Variants in OR10C1 observed in about 807,000 individuals in gnomAD.
OR10C1 encodes the protein olfactory receptor 10C1.
For synonymous variants in OR10C1, 183 were observed against 174.4 expected, an observed-to-expected ratio of 1.05 and a Z score of -0.39; for missense variants, 388 against 392.1, an observed-to-expected ratio of 0.99 and a Z score of 0.09.
Position 29,440,907 on chromosome 6 carries a change from G to C in OR10C1, c.892G>C (p.Ala298Pro), listed in dbSNP as rs759033840. 2 of 1,613,412 alleles carry C rather than the reference G, an allele frequency of 1.2e-6. No individual in the cohort carries two copies. Among genetic ancestry groups the C allele is most frequent in the Admixed American group, 1.7e-5 (1 of 60,004 alleles). ...IYSLRNTEVK[A>P]ALKRTIQKTV... ...CAGCCTGCGGAACACAGAGGTCAAAGCTGCCCTAAAGAGAACCATCCAGAA... is the reference window on the plus strand; with the variant it reads ...CAGCCTGCGGAACACAGAGGTCAAACCTGCCCTAAAGAGAACCATCCAGAA... The change falls in exon 1 of 1, where the codon GCT becomes CCT. Residue 298 changes from alanine (A) to proline (P), a missense_variant. Ala to Pro is a conservative substitution (Grantham distance 27). Transcript: ENST00000444197.
rs754718036 is a variant in OR10C1, at chr6:29,440,537, G to T, written c.522G>T (p.Pro174=). ...SLPFCGPNTI[P]QFFCEIQPVL... is the part of the protein sequence containing the mutation. ...CCTTCTGCGGCCCCAATACCATCCC[G>T]CAGTTCTTCTGTGAGATCCAGCCTG... The change falls in exon 1 of 1, where the codon CCG becomes CCT. Residue 174 remains proline, a synonymous_variant. Coordinates refer to ENST00000444197, the MANE Select transcript of OR10C1 (RefSeq NM_013941.4). The T allele has an allele frequency of 1.2e-6, 2 of 1,613,672 alleles. No homozygotes were observed. The highest frequency in any genetic ancestry group is 1.1e-5 in the South Asian group (1 of 91,086).
Position 29,440,489 on chromosome 6 carries a change from C to T in OR10C1, c.474C>T (p.His158=). Reference sequence around the variant, plus strand: ...GTGGGGTGCTGGTGGGGCTGGGCCACACCCCTTTCATCTTCTCTTTGCCCT... The same window carrying T: ...GTGGGGTGCTGGTGGGGCTGGGCCATACCCCTTTCATCTTCTCTTTGCCCT... The part of the protein sequence containing the change: ...WACGVLVGLG[H]TPFIFSLPFC... The change falls in exon 1 of 1, where the codon CAC becomes CAT. Residue 158 remains histidine (H), a synonymous_variant. Transcript: ENST00000444197. The T allele has an allele frequency of 1.9e-6, 3 of 1,613,812 alleles. No individual in the cohort carries two copies. Among genetic ancestry groups the T allele is most frequent in the Non-Finnish European group, 2.5e-6 (3 of 1,179,928 alleles).
In OR10C1 at chr6:29,440,176, T is replaced by G. The variant is rs1561793126; in HGVS notation, c.161T>G (p.Leu54Arg). The G allele has an allele frequency of 6.2e-7, 1 of 1,613,748 alleles. No homozygotes were observed. Among genetic ancestry groups the G allele is most frequent in the East Asian group, 2.2e-5 (1 of 44,876 alleles). The part of the protein sequence containing the change: ...IVVLVSTDAA[L>R]QSPMYFFLRT... Reference sequence around the variant, plus strand: ...GTGCTGGTCTCCACTGATGCTGCCCTCCAGTCCCCTATGTACTTCTTCCTG... The same window carrying G: ...GTGCTGGTCTCCACTGATGCTGCCCGCCAGTCCCCTATGTACTTCTTCCTG... Residue 54 changes from leucine (L) to arginine (R), a missense_variant, in exon 1 of 1, where the codon CTC (leucine) becomes CGC (arginine). Leu to Arg is a moderately radical substitution (Grantham distance 102). Transcript: ENST00000444197.
At position 29,439,561 on chromosome 6, in the gene OR10C1, A is replaced by G. The variant is rs903210379; in HGVS notation, c.-455A>G. ...AAAGAAAACTAGAGGGCAAGAGGTG[A>G]TAAGAGAGGTCACCTCTTATCAGAC... is the stretch of plus-strand genomic sequence containing the variant. On this transcript the variant is annotated 5_prime_UTR_variant, in exon 1 of 1. Coordinates refer to ENST00000444197, the MANE Select transcript of OR10C1 (RefSeq NM_013941.4). 6.2e-6 allele frequency: 1 copy of G among 160,344 alleles called. No individual in the cohort carries two copies. Among genetic ancestry groups the G allele is most frequent in the Non-Finnish European group, 1.4e-5 (1 of 73,858 alleles). 9.9% of individuals were successfully genotyped at this position (160,344 alleles called of 1,614,324 possible).
chr6:29,440,875 T>A lies in OR10C1; in HGVS notation c.860T>A (p.Ile287Asn). ...YAVVTPILNPIIYSLRNTEVK... is the reference protein window; with the variant it reads ...YAVVTPILNPNIYSLRNTEVK... ...GTGGTCACCCCCATCCTCAACCCCA[T>A]CATCTACAGCCTGCGGAACACAGAG... is the stretch of plus-strand genomic sequence containing the variant. Residue 287 changes from isoleucine (I) to asparagine (N), a missense_variant, in exon 1 of 1, where the codon ATC becomes AAC. Ile to Asn is a moderately radical substitution (Grantham distance 149). Transcript: ENST00000444197. 2 of 1,613,790 alleles carry A rather than the reference T, an allele frequency of 1.2e-6. No individual in the cohort carries two copies. Among genetic ancestry groups the A allele is most frequent in the South Asian group, 1.1e-5 (1 of 91,078 alleles).
Position 29,440,344 on chromosome 6 carries a change from A to C in OR10C1, c.329A>C (p.Glu110Ala). ...TTCTTCCTCTTCTTTGGCGCCACGG[A>C]GTGCTGCCTCCTGGCAGCCATGGCC... ...MFFFLFFGAT[E>A]CCLLAAMAYD... is the part of the protein sequence containing the mutation. The change falls in exon 1 of 1, where the codon GAG (glutamate) becomes GCG (alanine). Residue 110 changes from glutamate to alanine, a missense_variant. Transcript: ENST00000444197. 6.2e-7 allele frequency: 1 copy of C among 1,614,032 alleles called. No individual in the cohort carries two copies. Among genetic ancestry groups the C allele is most frequent in the South Asian group, 1.1e-5 (1 of 91,082 alleles).
At position 29,440,841 on chromosome 6, in the gene OR10C1, T is replaced by A. The variant is rs146670709; in HGVS notation, c.826T>A (p.Phe276Ile). The A allele has an allele frequency of 9.3e-5, 150 of 1,613,748 alleles. 1 individual carries two copies. In the Middle Eastern group the frequency reaches 1.2e-3, roughly 12 times the overall value. Residue 276 changes from phenylalanine (F) to isoleucine (I), a missense_variant, in exon 1 of 1, where the codon TTC becomes ATC. Physicochemically the swap from Phe to Ile is conservative, Grantham distance 21 (BLOSUM62 0). Transcript: ENST00000444197. ...DPATDPLVSL[F>I]YAVVTPILNP... is the part of the protein sequence containing the mutation. The stretch of plus-strand genomic sequence containing the variant: ...GGCCACTGACCCTCTGGTGTCCCTC[T>A]TCTATGCTGTGGTCACCCCCATCCT...
rs771708536 is a variant in OR10C1 at position 29,440,262 on chromosome 6, C to G, written c.247C>G (p.His83Asp). 6.2e-7 allele frequency: 1 copy of G among 1,614,042 alleles called. No individual in the cohort carries two copies. The highest frequency in any genetic ancestry group is 8.5e-7 in the Non-Finnish European group (1 of 1,180,030). The change falls in exon 1 of 1, where the codon CAC becomes GAC. Residue 83 changes from histidine to aspartate, a missense_variant. His to Asp is a moderately conservative substitution (Grantham distance 81). Transcript: ENST00000444197. ...TSVTVPLLLH[H>D]LLTGRRHISR... ...TGTCACGGTCCCCCTGCTACTTCAC[C>G]ACCTCCTTACTGGCCGGCGCCACAT... is the stretch of plus-strand genomic sequence containing the variant.
chr6:29,440,654 C>A lies in OR10C1; in HGVS notation c.639C>A (p.Ile213=), dbSNP rs1481693083. 1 of 1,614,182 alleles carries A rather than the reference C, an allele frequency of 6.2e-7. No homozygotes were observed. The highest frequency in any genetic ancestry group is 1.1e-5 in the South Asian group (1 of 91,086). The part of the protein sequence containing the change: ...ALLILCPFGL[I]LGSYGRILVT... ...TCATCCTCTGCCCCTTTGGCCTCATCCTGGGCTCCTACGGGCGTATCCTCG... is the reference window on the plus strand; with the variant it reads ...TCATCCTCTGCCCCTTTGGCCTCATACTGGGCTCCTACGGGCGTATCCTCG... The change falls in exon 1 of 1, where the codon ATC becomes ATA. Residue 213 remains isoleucine, a synonymous_variant. Transcript: ENST00000444197.
chr6:29,440,751 A>G lies in OR10C1; in HGVS notation c.736A>G (p.Met246Val), dbSNP rs2074464. The G allele has an allele frequency of 0.56, 903,552 of 1,613,232 alleles. 254,968 individuals are homozygous for G. The highest frequency in any genetic ancestry group is 0.63 in the South Asian group (57,513 of 91,068). ...AFSTCSSHLI[M>V]VSLFYGTALF... ...CTCCACCTGCTCCTCCCACCTGATC[A>G]TGGTCTCCCTCTTCTATGGCACCGC... The change falls in exon 1 of 1, where the codon ATG becomes GTG. Residue 246 changes from methionine (M) to valine (V), a missense_variant. Transcript: ENST00000444197.
Position 29,440,003 on chromosome 6 carries a change from GT to G in OR10C1, c.-12del. On this transcript the variant is annotated 5_prime_UTR_variant, in exon 1 of 1. Coordinates refer to ENST00000444197, the MANE Select transcript of OR10C1 (RefSeq NM_013941.4). Reference sequence around the variant, plus strand: ...CATTTCTTTTGTCTTCCAGTCAAAGGTATGCAGGCAGGATGAGTGCAAACAC... The same window carrying G: ...CATTTCTTTTGTCTTCCAGTCAAAGGATGCAGGCAGGATGAGTGCAAACAC... 1 of 1,604,780 alleles carries G rather than the reference GT, an allele frequency of 6.2e-7. No homozygotes were observed. Among genetic ancestry groups the G allele is most frequent in the South Asian group, 1.1e-5 (1 of 90,304 alleles).
At position 29,440,936 on chromosome 6, in the gene OR10C1, G is replaced by T. The variant is rs555486632; in HGVS notation, c.921G>T (p.Thr307=). The T allele has an allele frequency of 3.1e-6, 5 of 1,609,548 alleles. No homozygotes were observed. The highest frequency in any genetic ancestry group is 4.2e-6 in the Non-Finnish European group (5 of 1,178,634). ...CCCTAAAGAGAACCATCCAGAAAAC[G>T]GTGCCTATGGAGATTTGAAAAGGGG... ...KAALKRTIQK[T]VPMEI Residue 307 remains threonine (T), a synonymous_variant, in exon 1 of 1, where the codon ACG becomes ACT. Transcript: ENST00000444197.
chr6:29,440,128 T>TG lies in OR10C1; in HGVS notation c.115dup (p.Ala39GlyfsTer13), dbSNP rs1368161514. ...TTTCTCACTATCTACCTGCTGACCG[T>TG]GGCAGGCAATTTCCTCATTGTGGTG... is the stretch of plus-strand genomic sequence containing the variant. On this transcript the variant is annotated frameshift_variant, in exon 1 of 1. Coordinates refer to ENST00000444197, the MANE Select transcript of OR10C1 (RefSeq NM_013941.4). LOFTEE classifies it low-confidence loss of function (END_TRUNC). The TG allele has an allele frequency of 6.2e-7, 1 of 1,613,490 alleles. No homozygotes were observed. Among genetic ancestry groups the TG allele is most frequent in the Non-Finnish European group, 8.5e-7 (1 of 1,180,026 alleles).
rs1471275057 is a variant in OR10C1, at chr6:29,440,974, TC to T, written c.*21del. The T allele has an allele frequency of 6.7e-7, 1 of 1,484,292 alleles. No homozygotes were observed. 91.9% of individuals were successfully genotyped at this position (1,484,292 alleles called of 1,614,324 possible). ...ATTTGAAAAGGGGGCGATAGTGACTTCTGTGCAGTGCTCTGAGTCAGTCCCA... is the reference window on the plus strand; with the variant it reads ...ATTTGAAAAGGGGGCGATAGTGACTTTGTGCAGTGCTCTGAGTCAGTCCCA... On this transcript the variant is annotated 3_prime_UTR_variant, in exon 1 of 1. Coordinates refer to ENST00000444197, the MANE Select transcript of OR10C1 (RefSeq NM_013941.4).
rs1784100061 is a variant in OR10C1, at chr6:29,440,766, T to C, written c.751T>C (p.Tyr251His). The change falls in exon 1 of 1, where the codon TAT becomes CAT. Residue 251 changes from tyrosine (Y) to histidine (H), a missense_variant. By Grantham distance (83) the Tyr-to-His change is moderately conservative (BLOSUM62 2). Coordinates refer to ENST00000444197, the MANE Select transcript of OR10C1 (RefSeq NM_013941.4). Reference protein sequence around the residue: ...SSHLIMVSLFYGTALFIYIRP... With the variant: ...SSHLIMVSLFHGTALFIYIRP... ...CCACCTGATCATGGTCTCCCTCTTC[T>C]ATGGCACCGCACTCTTTATCTATAT... 6.2e-7 allele frequency: 1 copy of C among 1,613,964 alleles called. No homozygotes were observed. The highest frequency in any genetic ancestry group is 8.5e-7 in the Non-Finnish European group (1 of 1,179,852).
Position 29,439,856 on chromosome 6 carries a change from A to C in OR10C1, c.-160A>C. On this transcript the variant is annotated 5_prime_UTR_variant, in exon 1 of 1. Transcript: ENST00000444197. The stretch of plus-strand genomic sequence containing the variant: ...AAGGGTGGAATATGGACTCCAGGCA[A>C]GGCTGCCTAATTTCAAAGTCCATGA... The C allele has an allele frequency of 1.6e-6, 1 of 617,686 alleles. No individual in the cohort carries two copies. The highest frequency in any genetic ancestry group is 2.8e-6 in the Non-Finnish European group (1 of 352,284). 38.3% of individuals were successfully genotyped at this position (617,686 alleles called of 1,614,324 possible).
chr6:29,439,988 G>T lies in OR10C1; in HGVS notation c.-28G>T. ...GTGATTTTTCCTTGCCATTTCTTTT[G>T]TCTTCCAGTCAAAGGTATGCAGGCA... On this transcript the variant is annotated 5_prime_UTR_variant, in exon 1 of 1. Transcript: ENST00000444197. 3 of 1,573,846 alleles carry T rather than the reference G, an allele frequency of 1.9e-6. No individual in the cohort carries two copies. The highest frequency in any genetic ancestry group is 2.6e-6 in the Non-Finnish European group (3 of 1,152,318).
rs755057225 is a variant in OR10C1, at chr6:29,440,202, C to T, written c.187C>T (p.Arg63Cys). Residue 63 changes from arginine (R) to cysteine (C), a missense_variant, in exon 1 of 1, where the codon CGC becomes TGC. Transcript: ENST00000444197. ...ALQSPMYFFL[R>C]TLSALEIGYT... The stretch of plus-strand genomic sequence containing the variant: ...CCAGTCCCCTATGTACTTCTTCCTG[C>T]GCACCCTCTCGGCCTTGGAGATTGG... 2 of 1,613,752 alleles carry T rather than the reference C, an allele frequency of 1.2e-6. No individual in the cohort carries two copies. The highest frequency in any genetic ancestry group is 2.2e-5 in the East Asian group (1 of 44,892).
rs17184016 is a variant in OR10C1 at position 29,440,184 on chromosome 6, C to T, written c.169C>T (p.Pro57Ser). 1.5e-3 allele frequency: 2,488 copies of T among 1,613,790 alleles called. 13 individuals carry two copies. Among genetic ancestry groups the T allele is most frequent in the Admixed American group, 4.9e-3 (294 of 60,026 alleles). ...CTCCACTGATGCTGCCCTCCAGTCC[C>T]CTATGTACTTCTTCCTGCGCACCCT... is the stretch of plus-strand genomic sequence containing the variant. ...LVSTDAALQS[P>S]MYFFLRTLSA... Residue 57 changes from proline to serine, a missense_variant, in exon 1 of 1, where the codon CCT (proline) becomes TCT (serine). Transcript: ENST00000444197.
Sources: gnomAD v4.1 joint callset for allele counts on GRCh38, gnomAD v4.1.1 for gene constraint, MANE v1.5 for transcripts, NCBI Gene and HGNC (gene_info 2026-07-23, HGNC 2026-07-21) for gene names.